UHRF2: variants seen among roughly 807,000 people sequenced by gnomAD.
UHRF2 encodes the protein E3 ubiquitin-protein ligase UHRF2.
In UHRF2, 23 loss-of-function variants were observed where a neutral mutation model predicts 96.8. The ratio of observed to expected loss-of-function variants is 0.24; its 90% CI spans 0.17 to 0.34. The LOEUF (loss-of-function observed/expected upper bound fraction) is 0.34, where lower values mean the gene tolerates loss of function less well. UHRF2 is among the 10% of genes least tolerant of loss of function. The pLI is 1.00. For missense variants in UHRF2, 685 were observed against 981.5 expected, an observed-to-expected ratio of 0.70 and a Z score of 4.04; for synonymous variants, 385 against 332.6, an observed-to-expected ratio of 1.16 and a Z score of -1.72.
chr9:6,442,510 G>C (rs992203470), intron 3 of UHRF2, among the ~76,000 whole-genome samples: 1 of 151,390 alleles, frequency 6.6e-6, no homozygotes, highest in Non-Finnish European at 1.5e-5. Flanking sequence ...ACAGGGTCTT[G>C]TTCCATCACC....
chr9:6,492,344 A>G (rs1463935418), intron 9 of UHRF2: 1 of 1,233,440 alleles, frequency 8.1e-7, no homozygotes, highest in Non-Finnish European at 1.1e-6. Context: ...GTCTGTCCAG[A>G]TACCGGGTGG....
chr9:6,435,997 C>A (rs1193219104), intron 3 of UHRF2, among the ~76,000 whole-genome samples: 3 of 152,048 alleles, frequency 2.0e-5, no homozygotes, highest in Non-Finnish European at 4.4e-5. Context: ...TTGTCTTTAT[C>A]CATTTAAAAA....
In UHRF2 at chr9:6,434,172, G is replaced by T; in HGVS notation, c.643G>T (p.Glu215Ter). 1 of 1,609,962 alleles carries T rather than the reference G, an allele frequency of 6.2e-7. No homozygotes were observed. The highest frequency in any genetic ancestry group is 1.1e-5 in the South Asian group (1 of 90,860). The part of the protein sequence containing the change: ...EDVIYHIQYD[E>*]YPESGTLEMN... ...CGTTATTTACCATATCCAGTATGAT[G>T]AGTAAGTGCTCAAGCTATTGAGGAC... The change falls in exon 3 of 16, where the codon GAA becomes TAA. Residue 215 changes from glutamate (E) to a stop codon, truncating the protein, a stop_gained and splice_region_variant. Coordinates refer to ENST00000276893, the MANE Select transcript of UHRF2 (RefSeq NM_152896.3). LOFTEE classifies it high-confidence loss of function.
At chr9:6,448,047 G>C (rs1050610265) in intron 3 of UHRF2, among the ~76,000 whole-genome samples, 1 of 152,188 alleles carries the variant, frequency 6.6e-6, no homozygotes, top group South Asian at 2.1e-4. Flanking sequence ...AGGAGGTAAT[G>C]GAAGGAGATG....
chr9:6,459,745 A>G (rs1376847032), intron 3 of UHRF2, among the ~76,000 whole-genome samples: 1 of 152,222 alleles, frequency 6.6e-6, no homozygotes, highest in African/African-American at 2.4e-5. Context: ...AGTCCAAGGC[A>G]GGGGGTTGCT....
chr9:6,500,327 A>C (rs1816220829), intron 13 of UHRF2, among the ~76,000 whole-genome samples: 1 of 152,180 alleles, frequency 6.6e-6, no homozygotes, highest in Admixed American at 6.5e-5. Context: ...AATGAAAGCA[A>C]AGGATTTGGC....
chr9:6,429,958 A>G (rs1175817053), intron 2 of UHRF2, among the ~76,000 whole-genome samples: 1 of 152,192 alleles, frequency 6.6e-6, no homozygotes, highest in Non-Finnish European at 1.5e-5. Flanking sequence ...CTTGCCTCCC[A>G]TACTTCAGGT....
intron 8 of UHRF2, among the ~76,000 whole-genome samples, chr9:6,484,172 G>A (rs1026672123): frequency 6.6e-6 from 1 of 151,576 alleles, no homozygotes; most frequent in African/African-American, 2.4e-5. Flanking sequence ...CTGGGCTCAA[G>A]TGATCATTCC....
At chr9:6,449,683 A>T (rs1479892160) in intron 3 of UHRF2, 1 of 152,260 alleles carries the variant, frequency 6.6e-6, no homozygotes, top group African/African-American at 2.4e-5. Context: ...TTTTCTGATT[A>T]AAAATAGTTC....
chr9:6,432,671 G>A (rs935480617), intron 2 of UHRF2, among the ~76,000 whole-genome samples: 5 of 152,234 alleles, frequency 3.3e-5, no homozygotes, highest in East Asian at 3.9e-4. Flanking sequence ...CTTCTCCCAC[G>A]AGGTATGCCA....
At chr9:6,469,410 C>T (rs893316923) in intron 4 of UHRF2, among the ~76,000 whole-genome samples, 2 of 151,694 alleles carry the variant, frequency 1.3e-5, no homozygotes, top group African/African-American at 2.4e-5. Context: ...CCCAGCTACT[C>T]GGGAGGCTGA....
chr9:6,421,262 A>G, intron 2 of UHRF2, 120 bp downstream of exon 2: 1 of 771,282 alleles, frequency 1.3e-6, no homozygotes. Context: ...GGATGTTAAT[A>G]TCATAACTTT....
chr9:6,493,772 G>T (rs1824812249), intron 9 of UHRF2, 54 bp from the exon 10 acceptor site: 2 of 1,447,362 alleles, frequency 1.4e-6, no homozygotes. Flanking sequence ...AATAAGAATT[G>T]ATGAAATTAT....
intron 4 of UHRF2, among the ~76,000 whole-genome samples, chr9:6,467,235 T>C (rs777418371): frequency 1.6e-4 from 24 of 152,336 alleles, no homozygotes; most frequent in East Asian, 9.6e-4. Flanking sequence ...GCTTGTTACC[T>C]GCTTTCTCCA....
intron 9 of UHRF2, among the ~76,000 whole-genome samples, chr9:6,487,182 C>CTTTTTTTTTTTTTTTTTTTTTTTTTTTTT (rs1171978950): frequency 8.6e-5 from 6 of 69,578 alleles, no homozygotes; most frequent in African/African-American, 3.2e-4. Context: ...TTTTTTTTTC[C>CTTTTTTTTTTTTTTTTTTTTTTTTTTTTT]TTTTTTTTTT....
intron 9 of UHRF2, among the ~76,000 whole-genome samples, chr9:6,488,969 T>C (rs1350186385): frequency 6.6e-6 from 1 of 151,810 alleles, no homozygotes; most frequent in African/African-American, 2.4e-5. Context: ...TGCATCGCCA[T>C]TGACTAATTT....
chr9:6,502,730 C>T (rs1298937507), intron 14 of UHRF2, among the ~76,000 whole-genome samples: 2 of 152,164 alleles, frequency 1.3e-5, no homozygotes, highest in African/African-American at 4.8e-5. Context: ...CTCAAAATAC[C>T]TGTATTAGAT....
intron 3 of UHRF2, among the ~76,000 whole-genome samples, chr9:6,444,388 C>G (rs1161955737): frequency 6.6e-6 from 1 of 152,190 alleles, no homozygotes; most frequent in Non-Finnish European, 1.5e-5. Context: ...TCATGTGTTG[C>G]AAGATCACTT....
intron 2 of UHRF2, among the ~76,000 whole-genome samples, chr9:6,423,332 T>C (rs1820044572): frequency 6.6e-6 from 1 of 152,140 alleles, no homozygotes; most frequent in South Asian, 2.1e-4. Flanking sequence ...GCTTTATAAA[T>C]TGAGTTTAAT....
Sources: gnomAD v4.1 joint callset for allele counts (sites outside exome capture counted in the v4.1 genomes callset) on GRCh38, gnomAD v4.1.1 for gene constraint, MANE v1.5 for transcripts, NCBI Gene and HGNC (gene_info 2026-07-23, HGNC 2026-07-21) for gene names.